KIAA0825: variants seen among roughly 807,000 people sequenced by gnomAD.
KIAA0825 encodes the protein uncharacterized protein KIAA0825.
KIAA0825 carries 119 observed loss-of-function variants against 147.6 expected under a neutral mutation model. That is an observed-to-expected ratio of 0.81 (90% confidence interval 0.69 to 0.94). The LOEUF is 0.94. Among genes scored for constraint, KIAA0825 ranks in the 40% least tolerant of loss-of-function variants. The probability of loss-of-function intolerance (pLI) is 0.00; values close to 1 mark genes in which losing one functional copy is unlikely to be tolerated. For synonymous variants in KIAA0825, 470 were observed against 518.1 expected, an observed-to-expected ratio of 0.91 and a Z score of 1.26; for missense variants, 1,381 against 1,472.7, an observed-to-expected ratio of 0.94 and a Z score of 1.02.
intron 3 of KIAA0825, among the ~76,000 whole-genome samples, chr5:94,525,053 G>A (rs1769009714): frequency 6.6e-6 from 1 of 151,788 alleles, no homozygotes; most frequent in South Asian, 2.1e-4. Context: ...CCACCTGATG[G>A]CAGCATATCT....
intron 20 of KIAA0825, among the ~76,000 whole-genome samples, chr5:94,369,023 C>A (rs144790226): frequency 1.3e-5 from 2 of 152,046 alleles, no homozygotes; most frequent in African/African-American, 4.8e-5. Flanking sequence ...CAAAAATTAG[C>A]TGAGTGAGCC....
intron 4 of KIAA0825, among the ~76,000 whole-genome samples, chr5:94,521,250 T>G (rs1426342591): frequency 1.3e-5 from 2 of 151,842 alleles, no homozygotes; most frequent in Non-Finnish European, 3.0e-5. Context: ...TACAAATCTA[T>G]AGTAAAATAT....
chr5:94,377,198 C>A (rs1166722628), intron 20 of KIAA0825, among the ~76,000 whole-genome samples: 1 of 152,212 alleles, frequency 6.6e-6, no homozygotes, highest in African/African-American at 2.4e-5. Context: ...CCCAAAGTGA[C>A]AGCCAGAAAT....
chr5:94,230,266 G>A (rs1484018573), intron 20 of KIAA0825, among the ~76,000 whole-genome samples: 1 of 152,122 alleles, frequency 6.6e-6, no homozygotes, highest in Non-Finnish European at 1.5e-5. Context: ...TTCTTCTCGT[G>A]TTTTCAGTTC....
At chr5:94,159,603 A>G (rs1433675728) in intron 20 of KIAA0825, among the ~76,000 whole-genome samples, 1 of 152,156 alleles carries the variant, frequency 6.6e-6, no homozygotes, top group East Asian at 1.9e-4. Flanking sequence ...TATTGCATAT[A>G]TGTATATATG....
chr5:94,478,756 G>A (rs1762174762), intron 6 of KIAA0825, among the ~76,000 whole-genome samples: 1 of 151,994 alleles, frequency 6.6e-6, no homozygotes, highest in Admixed American at 6.6e-5. Context: ...GCAACTATAA[G>A]CTCATTAAAA....
At chr5:94,408,758 G>T (rs1752398497) in intron 15 of KIAA0825, among the ~76,000 whole-genome samples, 1 of 152,096 alleles carries the variant, frequency 6.6e-6, no homozygotes, top group African/African-American at 2.4e-5. Flanking sequence ...TCACCATAGA[G>T]CACTGCATTA....
intron 3 of KIAA0825, among the ~76,000 whole-genome samples, chr5:94,530,271 C>CAA (rs770501364): frequency 0.31 from 14,619 of 47,516 alleles, 1,283 homozygotes; most frequent in East Asian, 0.39. Flanking sequence ...AACTCCGTCA[C>CAA]AAAAAAAAAA....
intron 20 of KIAA0825, among the ~76,000 whole-genome samples, chr5:94,306,931 T>TA (rs1330781383): frequency 6.6e-6 from 1 of 151,836 alleles, no homozygotes; most frequent in Non-Finnish European, 1.5e-5. Flanking sequence ...CGAACGTCAT[T>TA]ACCAGGCATT....
At chr5:94,538,900 A>G (rs1371090100) in intron 2 of KIAA0825, among the ~76,000 whole-genome samples, 2 of 152,188 alleles carry the variant, frequency 1.3e-5, no homozygotes, top group Non-Finnish European at 2.9e-5. Flanking sequence ...CCAAGAGTAC[A>G]TTACAGCTAC....
chr5:94,520,072 T>C, intron 5 of KIAA0825, 176 bp downstream of exon 5: 2 of 1,136,454 alleles, frequency 1.8e-6, no homozygotes, highest in Non-Finnish European at 1.1e-6. Context: ...AAAATACTTT[T>C]ATAACTACAA....
At position 94,441,278 on chromosome 5, in the gene KIAA0825, C is replaced by T. The variant is rs116663476; in HGVS notation, c.2358-1157G>A. Among the ~76,000 whole-genome samples, 1,103 of 151,736 alleles carry T rather than the reference C, an allele frequency of 7.3e-3. 18 individuals carry two copies. Among genetic ancestry groups the T allele is most frequent in the African/African-American group, 0.025 (1,043 of 41,382 alleles). ...TGGGGCGGGGATTGGGGGCGGGGAG[C>T]GGGGGACAGGGCAGAAATCTGTGTT... On this transcript the variant is annotated intron_variant, in intron 13 of 20. Coordinates refer to ENST00000682413, the MANE Select transcript of KIAA0825 (RefSeq NM_001145678.3).
At chr5:94,387,520 C>G (rs1749320895) in intron 18 of KIAA0825, among the ~76,000 whole-genome samples, 1 of 151,932 alleles carries the variant, frequency 6.6e-6, no homozygotes, top group Non-Finnish European at 1.5e-5. Context: ...ATGGTGAAAC[C>G]CCATCTCTAC....
chr5:94,294,391 T>G (rs1312383442), intron 20 of KIAA0825, among the ~76,000 whole-genome samples: 1 of 152,234 alleles, frequency 6.6e-6, no homozygotes, highest in Non-Finnish European at 1.5e-5. Flanking sequence ...CTTATGAAGC[T>G]TAGTTTAGCT....
Position 94,594,391 on chromosome 5 carries a change from G to C in KIAA0825, c.-152-11808C>G. The C allele has an allele frequency of 2.6e-6, 2 of 769,868 alleles. 1 individual carries two copies. Among genetic ancestry groups the C allele is most frequent in the Middle Eastern group, 4.8e-4 (2 of 4,160 alleles). 47.7% of individuals were successfully genotyped at this position (769,868 alleles called of 1,614,324 possible). On this transcript the variant is annotated intron_variant, in intron 1 of 20. Coordinates refer to ENST00000682413, the MANE Select transcript of KIAA0825 (RefSeq NM_001145678.3). Reference sequence around the variant, plus strand: ...AAAATGTTAGCAGAGGTACTAGGAGGAATCAATTGTGTAAAAGCCTCAGTT... The same window carrying C: ...AAAATGTTAGCAGAGGTACTAGGAGCAATCAATTGTGTAAAAGCCTCAGTT...
At chr5:94,236,468 T>C (rs965197000) in intron 20 of KIAA0825, among the ~76,000 whole-genome samples, 1 of 152,204 alleles carries the variant, frequency 6.6e-6, no homozygotes, top group Admixed American at 6.5e-5. Context: ...TTTCTTGATA[T>C]GAAATCTACT....
intron 5 of KIAA0825, among the ~76,000 whole-genome samples, chr5:94,503,073 AAT>A (rs1372995831): frequency 1.2e-4 from 17 of 147,228 alleles, no homozygotes; most frequent in African/African-American, 2.8e-4. Context: ...CTCAAAAAAA[AAT>A]ATATATATAT....
At chr5:94,582,809 G>A (rs757973091) in intron 1 of KIAA0825, among the ~76,000 whole-genome samples, 6 of 152,100 alleles carry the variant, frequency 3.9e-5, no homozygotes, top group Admixed American at 2.6e-4. Flanking sequence ...ACAGGTAATA[G>A]GGGCACCTTG....
At chr5:94,594,489 A>T (rs1784910773) in intron 1 of KIAA0825, 6 of 747,414 alleles carry the variant, frequency 8.0e-6, no homozygotes, top group Non-Finnish European at 1.5e-5. Flanking sequence ...TCTTTATGGA[A>T]GCCATAATAT....
Sources: gnomAD v4.1 joint callset for allele counts (sites outside exome capture counted in the v4.1 genomes callset) on GRCh38, gnomAD v4.1.1 for gene constraint, MANE v1.5 for transcripts, NCBI Gene and HGNC (gene_info 2026-07-23, HGNC 2026-07-21) for gene names.